Variants in CCDC30 observed in about 807,000 individuals in gnomAD.
The protein encoded by CCDC30 is coiled-coil domain-containing protein 30.
CCDC30 carries 70 observed loss-of-function variants against 100.2 expected under a neutral mutation model. That is an observed-to-expected ratio of 0.70 (90% CI 0.58 to 0.85). The LOEUF is 0.85. CCDC30 is among the 40% of genes least tolerant of loss of function. The pLI is 0.00. For synonymous variants in CCDC30, 233 were observed against 269.5 expected (o/e 0.86, Z 1.33); for missense variants, 652 against 771.2 (o/e 0.85, Z 1.83).
At chr1:42,567,560 C>T (rs1231025304) in intron 7 of CCDC30, among the ~76,000 whole-genome samples, 5 of 152,126 alleles carry the variant, frequency 3.3e-5, no homozygotes, top group Admixed American at 6.5e-5. Flanking sequence ...TCTCGTATTC[C>T]GGGATTATTT....
upstream of CCDC30, chr1:42,459,737 T>C (rs1460564673): frequency 1.9e-6 from 3 of 1,614,202 alleles, no homozygotes; most frequent in African/African-American, 4.0e-5. Flanking sequence ...CTTTGGAAAT[T>C]TATCAGCATC....
chr1:42,463,768 C>T (rs987614686), exon 1 of CCDC30: 1 of 152,144 alleles, frequency 6.6e-6, no homozygotes, highest in African/African-American at 2.4e-5. Context: ...GGCAGCTTTC[C>T]CCTACGTGTA....
At chr1:42,635,723 G>A (rs376715297) in intron 11 of CCDC30, among the ~76,000 whole-genome samples, 2 of 151,632 alleles carry the variant, frequency 1.3e-5, no homozygotes, top group Non-Finnish European at 2.9e-5. Context: ...CAGGAGAATG[G>A]CATGAACCCG....
chr1:42,644,646 A>G (rs375201005), intron 13 of CCDC30, 47 bp from the exon 18 acceptor site: 59 of 1,195,296 alleles, frequency 4.9e-5, no homozygotes, highest in African/African-American at 2.3e-4. Flanking sequence ...GTTTTTAGTA[A>G]TGATACAGAA....
chr1:42,600,745 CTG>C (rs1303202380), intron 10 of CCDC30, among the ~76,000 whole-genome samples: 1 of 152,046 alleles, frequency 6.6e-6, no homozygotes, highest in Non-Finnish European at 1.5e-5. Context: ...ACCCCTAGTG[CTG>C]TCTCATGATA....
chr1:42,553,652 T>TGCACACAC (rs747403603), intron 6 of CCDC30, among the ~76,000 whole-genome samples: 4 of 133,750 alleles, frequency 3.0e-5, no homozygotes, highest in African/African-American at 1.1e-4. Context: ...TGAGATTCCA[T>TGCACACAC]ACACACACAC....
intron 1 of CCDC30, among the ~76,000 whole-genome samples, chr1:42,476,235 T>G (rs2148448295): frequency 7.8e-6 from 1 of 128,006 alleles, no homozygotes; most frequent in South Asian, 2.4e-4. Context: ...AAATGGAAGA[T>G]CAGAATGATC....
rs913559132 is a variant in CCDC30 at position 42,644,344 on chromosome 1, G to A, written c.1557-349G>A. Among the ~76,000 whole-genome samples, 9 of 152,146 alleles carry A rather than the reference G, an allele frequency of 5.9e-5. No homozygotes were observed. The East Asian group carries it at 9.7e-4, about 16-fold the overall frequency. On this transcript the variant is annotated intron_variant, in intron 13 of 16. Transcript: ENST00000668663. ...GGAGAGGCCTGTCTCTCTTTTTCACGTTTTTCTGCCTGCTTTATATTCACT... is the reference window on the plus strand; with the variant it reads ...GGAGAGGCCTGTCTCTCTTTTTCACATTTTTCTGCCTGCTTTATATTCACT...
chr1:42,541,198 C>T (rs1027660853), intron 6 of CCDC30, among the ~76,000 whole-genome samples: 1 of 152,182 alleles, frequency 6.6e-6, no homozygotes, highest in African/African-American at 2.4e-5. Flanking sequence ...TCCTGATTTG[C>T]AGACAGCTAT....
exon 11 of CCDC30, chr1:42,611,085 T>C: frequency 1.3e-6 from 2 of 1,573,786 alleles, no homozygotes; most frequent in South Asian, 1.1e-5. Flanking sequence ...TTAATGTCCA[T>C]GTGAGGTAAA....
chr1:42,533,593 T>C (rs1229311161), intron 6 of CCDC30, among the ~76,000 whole-genome samples: 1 of 152,204 alleles, frequency 6.6e-6, no homozygotes, highest in East Asian at 1.9e-4. Flanking sequence ...GAGATTTATA[T>C]AGGGGACTTA....
At chr1:42,460,092 T>C (rs1289780042), upstream of CCDC30, 49 of 1,378,536 alleles carry the variant, frequency 3.6e-5, no homozygotes, top group Non-Finnish European at 4.6e-5. Flanking sequence ...TGACACCTGA[T>C]ATGATGTCAT....
At chr1:42,463,081 C>T (rs956676310), upstream of CCDC30, among the ~76,000 whole-genome samples, 2 of 152,256 alleles carry the variant, frequency 1.3e-5, no homozygotes, top group Non-Finnish European at 2.9e-5. Context: ...CGACATGTTA[C>T]CATGGTTACA....
At chr1:42,473,271 C>T in intron 1 of CCDC30, 1 of 1,231,438 alleles carries the variant, frequency 8.1e-7, no homozygotes, top group East Asian at 3.2e-5. Context: ...TGTAGAAGAG[C>T]TTATAGTGAA....
chr1:42,649,495 T>C (rs1431859165), intron 15 of CCDC30, among the ~76,000 whole-genome samples: 1 of 152,198 alleles, frequency 6.6e-6, no homozygotes. Flanking sequence ...GCTAACATTA[T>C]ACTCAATGGA....
chr1:42,509,926 G>C (rs1008842096), intron 6 of CCDC30: 2 of 370,606 alleles, frequency 5.4e-6, no homozygotes, highest in African/African-American at 4.4e-5. Flanking sequence ...CAAGCTTCTG[G>C]GTTCCCTTCC....
chr1:42,462,458 AG>A (rs1475040428), upstream of CCDC30, among the ~76,000 whole-genome samples: 5 of 152,150 alleles, frequency 3.3e-5, no homozygotes, highest in Admixed American at 6.5e-5. Context: ...GGAGAGGTTG[AG>A]GCACTTTATT....
At chr1:42,626,215 C>A (rs1646930714) in intron 11 of CCDC30, among the ~76,000 whole-genome samples, 1 of 152,060 alleles carries the variant, frequency 6.6e-6, no homozygotes, top group African/African-American at 2.4e-5. Flanking sequence ...ATATCCTTTT[C>A]CATCCCTTTG....
intron 3 of CCDC30, among the ~76,000 whole-genome samples, chr1:42,487,110 C>CAA (rs58763328): frequency 8.8e-4 from 80 of 90,450 alleles, no homozygotes; most frequent in Middle Eastern, 6.0e-3. Flanking sequence ...TGCCCTGTCT[C>CAA]AAAAAAAAAA....
Sources: gnomAD v4.1 joint callset for allele counts (sites outside exome capture counted in the v4.1 genomes callset) on GRCh38, gnomAD v4.1.1 for gene constraint, MANE v1.5 for transcripts, NCBI Gene and HGNC (gene_info 2026-07-23, HGNC 2026-07-21) for gene names.